HS3ST4: variants seen among roughly 807,000 people sequenced by gnomAD.
The protein encoded by HS3ST4 is heparan sulfate glucosamine 3-O-sulfotransferase 4.
In HS3ST4, 17 loss-of-function variants were observed where a neutral mutation model predicts 29.2. The observed-to-expected ratio is 0.58, with a 90% CI of 0.40 to 0.87. The LOEUF is 0.87. Among genes scored for constraint, HS3ST4 ranks in the 40% least tolerant of loss-of-function variants. HS3ST4 has a pLI of 0.00. For synonymous variants in HS3ST4, 314 were observed against 285.7 expected (o/e 1.10, Z -1.00); for missense variants, 627 against 634.5 (o/e 0.99, Z 0.13).
intron 1 of HS3ST4, among the ~76,000 whole-genome samples, chr16:25,884,116 AG>A (rs1185986322): frequency 9.3e-4 from 141 of 152,128 alleles, no homozygotes; most frequent in African/African-American, 3.4e-3. Flanking sequence ...TCTGTCTCAA[AG>A]AAAAAAAAAA....
chr16:25,934,899 T>A (rs1239031922), intron 1 of HS3ST4, among the ~76,000 whole-genome samples: 1 of 152,136 alleles, frequency 6.6e-6, no homozygotes, highest in East Asian at 1.9e-4. Context: ...CTTCATATGG[T>A]TTGGCTGTGT....
Position 26,136,562 on chromosome 16 carries a change from G to T in HS3ST4, c.*314G>T. 2.6e-6 allele frequency: 1 copy of T among 388,512 alleles called. No homozygotes were observed. The allele number at this position is 388,512 out of a possible 1,614,324, so 24.1% of individuals were successfully genotyped here. On this transcript the variant is annotated 3_prime_UTR_variant, in exon 2 of 2. Transcript: ENST00000331351. ...AGAGGATAAATAGTTGTCAATGTCAGAGACAGTGCTATTAATGTATATGTG... is the reference window on the plus strand; with the variant it reads ...AGAGGATAAATAGTTGTCAATGTCATAGACAGTGCTATTAATGTATATGTG...
At chr16:25,898,663 A>C (rs1331321121) in intron 1 of HS3ST4, among the ~76,000 whole-genome samples, 1 of 152,240 alleles carries the variant, frequency 6.6e-6, no homozygotes, top group Non-Finnish European at 1.5e-5. Flanking sequence ...AGGTCACCGG[A>C]AGCATGAATA....
At chr16:26,016,330 A>G (rs1249683400) in intron 1 of HS3ST4, among the ~76,000 whole-genome samples, 2 of 152,214 alleles carry the variant, frequency 1.3e-5, no homozygotes, top group Non-Finnish European at 2.9e-5. Context: ...TAGGTATAAA[A>G]GTGCTACTGG....
chr16:25,946,919 G>A (rs9933692), intron 1 of HS3ST4, among the ~76,000 whole-genome samples: 39,200 of 152,062 alleles, frequency 0.26, 5,421 homozygotes, highest in East Asian at 0.39. Flanking sequence ...GTGTGATTGG[G>A]AGCAGCATGC....
At chr16:26,065,424 A>G (rs909625810) in intron 1 of HS3ST4, among the ~76,000 whole-genome samples, 15 of 152,208 alleles carry the variant, frequency 9.9e-5, no homozygotes, top group African/African-American at 3.6e-4. Context: ...CTAAATGATG[A>G]AAACACATGG....
rs915733342 is a variant in HS3ST4 at position 26,086,550 on chromosome 16, C to T, written c.735-49062C>T. 4.6e-5 allele frequency among the ~76,000 whole-genome samples: 7 copies of T among 152,014 alleles called. No individual in the cohort carries two copies. The South Asian group carries it at 8.3e-4, about 18-fold the overall frequency. On this transcript the variant is annotated intron_variant, in intron 1 of 1. Coordinates refer to ENST00000331351, the MANE Select transcript of HS3ST4 (RefSeq NM_006040.3). Reference sequence around the variant, plus strand: ...ATTTTTAGTAGAGGCGGGGTTTCGCCGTATTAGCCAGGATGGTCTTGATCT... The same window carrying T: ...ATTTTTAGTAGAGGCGGGGTTTCGCTGTATTAGCCAGGATGGTCTTGATCT...
At chr16:25,987,871 G>A (rs961840107) in intron 1 of HS3ST4, among the ~76,000 whole-genome samples, 3 of 152,098 alleles carry the variant, frequency 2.0e-5, no homozygotes, top group Non-Finnish European at 4.4e-5. Context: ...CCTGGGTTCG[G>A]GAGATTCTTC....
At chr16:25,750,052 C>T (rs890185572) in intron 1 of HS3ST4, among the ~76,000 whole-genome samples, 4 of 152,270 alleles carry the variant, frequency 2.6e-5, no homozygotes, top group Admixed American at 2.0e-4. Context: ...AGGTTGTTTC[C>T]CTCCATGGTA....
chr16:25,955,718 T>A (rs1968725355), intron 1 of HS3ST4, among the ~76,000 whole-genome samples: 1 of 152,076 alleles, frequency 6.6e-6, no homozygotes, highest in Admixed American at 6.6e-5. Flanking sequence ...TTTTAGGCAC[T>A]AGATGGTAGA....
At position 25,765,150 on chromosome 16, in the gene HS3ST4, G is replaced by A. The variant is rs1190831955; in HGVS notation, c.734+71999G>A. 4.6e-5 allele frequency among the ~76,000 whole-genome samples: 7 copies of A among 152,222 alleles called. 1 individual carries two copies. The highest frequency in any genetic ancestry group is 1.0e-4 in the Non-Finnish European group (7 of 68,048). ...CAGAGAGCAAGACCACAGCCACTGG[G>A]CTTCCAGAGGCCGCAGCCTTATTTA... On this transcript the variant is annotated intron_variant, in intron 1 of 1. Transcript: ENST00000331351.
At chr16:25,732,226 C>T (rs947591835) in intron 1 of HS3ST4, among the ~76,000 whole-genome samples, 6 of 152,166 alleles carry the variant, frequency 3.9e-5, no homozygotes, top group Non-Finnish European at 8.8e-5. Flanking sequence ...TCTGCCCACC[C>T]CTACCCCCCA....
chr16:26,035,494 C>A (rs1458834016), intron 1 of HS3ST4, among the ~76,000 whole-genome samples: 2 of 152,234 alleles, frequency 1.3e-5, no homozygotes, highest in South Asian at 2.1e-4. Flanking sequence ...AGAGCTACCT[C>A]TATTGGTGAA....
chr16:25,713,282 A>G (rs1351741593), intron 1 of HS3ST4, among the ~76,000 whole-genome samples: 1 of 151,992 alleles, frequency 6.6e-6, no homozygotes, highest in East Asian at 1.9e-4. Context: ...TAATCCCAGC[A>G]CTTTGGGGGC....
chr16:25,915,204 A>C (rs1384172389), intron 1 of HS3ST4, among the ~76,000 whole-genome samples: 1 of 152,116 alleles, frequency 6.6e-6, no homozygotes, highest in African/African-American at 2.4e-5. Flanking sequence ...ACTTCACGGA[A>C]GCCCAGATCC....
chr16:25,770,633 G>A (rs1252729341), intron 1 of HS3ST4, among the ~76,000 whole-genome samples: 1 of 152,186 alleles, frequency 6.6e-6, no homozygotes, highest in East Asian at 1.9e-4. Context: ...CTGTGAGTGA[G>A]CTACCTGGGG....
At chr16:26,041,570 G>C (rs1969636322) in intron 1 of HS3ST4, among the ~76,000 whole-genome samples, 1 of 152,012 alleles carries the variant, frequency 6.6e-6, no homozygotes, top group South Asian at 2.1e-4. Flanking sequence ...GTCTACATCA[G>C]AAGTACGGAA....
chr16:26,048,681 A>G lies in HS3ST4; in HGVS notation c.735-86931A>G, dbSNP rs1044729737. On this transcript the variant is annotated intron_variant, in intron 1 of 1. Coordinates refer to ENST00000331351, the MANE Select transcript of HS3ST4 (RefSeq NM_006040.3). The stretch of plus-strand genomic sequence containing the variant: ...CATCTCTATTAAAAATAATAATAAA[A>G]AAATAGCCAGGTGTGGTGGTGCATA... Among the ~76,000 whole-genome samples the G allele has an allele frequency of 9.2e-5, 14 of 152,006 alleles. No homozygotes were observed. The East Asian group carries it at 2.7e-3, about 29-fold the overall frequency.
At chr16:25,741,365 T>TAAAAAAAAAAAAAAAAA (rs66788248) in intron 1 of HS3ST4, among the ~76,000 whole-genome samples, 1 of 66,186 alleles carries the variant, frequency 1.5e-5, no homozygotes, top group Non-Finnish European at 2.6e-5. Context: ...GAATTCAAGG[T>TAAAAAAAAAAAAAAAAA]AAAAAAAAAA....
Sources: gnomAD v4.1 joint callset for allele counts (sites outside exome capture counted in the v4.1 genomes callset) on GRCh38, gnomAD v4.1.1 for gene constraint, MANE v1.5 for transcripts, NCBI Gene and HGNC (gene_info 2026-07-23, HGNC 2026-07-21) for gene names.